Variants in ZNRF3 observed in about 807,000 individuals in gnomAD.
The protein encoded by ZNRF3 is E3 ubiquitin-protein ligase ZNRF3.
A neutral mutation model predicts 72.5 loss-of-function variants in ZNRF3; 23 were observed. The ratio of observed to expected loss-of-function variants is 0.32; its 90% CI spans 0.23 to 0.45. The LOEUF (loss-of-function observed/expected upper bound fraction) is 0.45. ZNRF3 is among the 20% of genes least tolerant of loss of function. ZNRF3 has a pLI of 1.00. For synonymous variants in ZNRF3, 610 were observed against 545.3 expected, an observed-to-expected ratio of 1.12 and a Z score of -1.65; for missense variants, 1,169 against 1,272.1, an observed-to-expected ratio of 0.92 and a Z score of 1.23.
intron 1 of ZNRF3, among the ~76,000 whole-genome samples, chr22:28,885,040 T>G (rs2033752325): frequency 6.6e-6 from 1 of 152,200 alleles, no homozygotes. Flanking sequence ...GGTTGGCTTG[T>G]CTTTGAATCT....
intron 2 of ZNRF3, among the ~76,000 whole-genome samples, chr22:29,033,381 A>C (rs5997433): frequency 0.61 from 89,589 of 145,736 alleles, 28,748 homozygotes; most frequent in African/African-American, 0.81. Flanking sequence ...AAGGCTCAAT[A>C]TAGTTCAACT....
intron 2 of ZNRF3, among the ~76,000 whole-genome samples, chr22:29,010,913 C>A (rs2036336737): frequency 6.6e-6 from 1 of 152,178 alleles, no homozygotes; most frequent in Non-Finnish European, 1.5e-5. Flanking sequence ...AAGTGATCCA[C>A]CCGCCTCAGC....
chr22:29,038,040 C>T (rs575786525), intron 2 of ZNRF3, among the ~76,000 whole-genome samples: 88 of 152,326 alleles, frequency 5.8e-4, no homozygotes, highest in Admixed American at 1.3e-3. Context: ...GACTTTCATC[C>T]AACCATATCC....
chr22:29,047,726 A>G (rs1358326961), intron 6 of ZNRF3, among the ~76,000 whole-genome samples: 1 of 152,200 alleles, frequency 6.6e-6, no homozygotes, highest in African/African-American at 2.4e-5. Flanking sequence ...ACTGTACTAG[A>G]CAGGTCAGAA....
At position 29,046,840 on chromosome 22, in the gene ZNRF3, C is replaced by T. The variant is rs1258129125; in HGVS notation, c.869C>T (p.Thr290Met). Residue 290 changes from threonine to methionine, a missense_variant, in exon 6 of 9, where the codon ACG becomes ATG. Transcript: ENST00000544604. ...CTGGACACACTCAGCAGCAGCTCCA[C>T]GTCCGACTGTGCCATCTGTCTGGAG... ...GALDTLSSSS[T>M]SDCAICLEKY... is the part of the protein sequence containing the mutation. The T allele has an allele frequency of 5.6e-6, 9 of 1,607,492 alleles. No individual in the cohort carries two copies. The highest frequency in any genetic ancestry group is 6.8e-6 in the Non-Finnish European group (8 of 1,176,770).
Position 29,048,929 on chromosome 22 carries a change from T to A in ZNRF3, c.1016-268T>A, listed in dbSNP as rs937655409. On this transcript the variant is annotated intron_variant, in intron 7 of 8. Transcript: ENST00000544604. The surrounding 1 kb of genome is among the most constrained non-coding windows in gnomAD (Gnocchi z 4.9). The stretch of plus-strand genomic sequence containing the variant: ...GGGACACTGGCATCTTTGAATCCGA[T>A]TCTTTTCTGCAGACTTCTGTGGTGC... Among the ~76,000 whole-genome samples, 9 of 152,170 alleles carry A rather than the reference T, an allele frequency of 5.9e-5. No individual in the cohort carries two copies. Among genetic ancestry groups the A allele is most frequent in the Non-Finnish European group, 1.2e-4 (8 of 68,034 alleles).
chr22:29,033,066 T>G (rs2036792252), intron 2 of ZNRF3, among the ~76,000 whole-genome samples: 2 of 152,150 alleles, frequency 1.3e-5, no homozygotes, highest in African/African-American at 4.8e-5. Flanking sequence ...AAGCTCAGTC[T>G]AGGCCGGGTG....
In ZNRF3 at chr22:29,048,289, C is replaced by T. The variant is rs1046131603; in HGVS notation, c.913-100C>T. 4.0e-5 allele frequency: 36 copies of T among 893,488 alleles called. No individual in the cohort carries two copies. The highest frequency in any genetic ancestry group is 1.5e-4 in the African/African-American group (9 of 60,944). The allele number at this position is 893,488 out of a possible 1,614,324, so 55.3% of individuals were successfully genotyped here. On this transcript the variant is annotated intron_variant, in intron 6 of 8. Transcript: ENST00000544604. The surrounding 1 kb of genome is among the most constrained non-coding windows in gnomAD (Gnocchi z 4.9). ...GTGGGGAGGAGAGTAGGGAAGGGCA[C>T]GGGCATGCTGTGCAGAACTCCTTGG...
intron 5 of ZNRF3, among the ~76,000 whole-genome samples, chr22:29,045,472 C>T (rs12166813): frequency 6.6e-6 from 1 of 151,336 alleles, no homozygotes; most frequent in Admixed American, 6.6e-5. Context: ...GCAGGTGTTT[C>T]GAAGGAAGTG....
chr22:28,930,062 A>G (rs1043762383), intron 1 of ZNRF3, among the ~76,000 whole-genome samples: 13 of 152,224 alleles, frequency 8.5e-5, no homozygotes, highest in African/African-American at 2.9e-4. Flanking sequence ...AAATACGTAT[A>G]AACACTTGTA....
intron 2 of ZNRF3, among the ~76,000 whole-genome samples, chr22:29,003,124 C>A (rs1448203950): frequency 7.2e-5 from 11 of 152,126 alleles, no homozygotes; most frequent in Non-Finnish European, 1.3e-4. Context: ...GCTTTTATAT[C>A]ATGATTATGT....
intron 2 of ZNRF3, among the ~76,000 whole-genome samples, chr22:29,017,254 G>T (rs2036453515): frequency 6.6e-6 from 1 of 152,162 alleles, no homozygotes; most frequent in African/African-American, 2.4e-5. Flanking sequence ...GGCAGTGCTG[G>T]TGTCCCATTT....
Position 29,052,637 on chromosome 22 carries a change from G to A in ZNRF3, c.2768-942G>A, listed in dbSNP as rs2037226778. Among the ~76,000 whole-genome samples, 8 of 151,214 alleles carry A rather than the reference G, an allele frequency of 5.3e-5. 1 individual carries two copies. In the South Asian group the frequency reaches 1.7e-3, roughly 32 times the overall value. On this transcript the variant is annotated intron_variant, in intron 8 of 8. Coordinates refer to ENST00000544604, the MANE Select transcript of ZNRF3 (RefSeq NM_001206998.2). ...GAACCCGGGACGCCGTTGTTGCAGT[G>A]AGCTGAGATCGCCCCATCGTACTCC... is the stretch of plus-strand genomic sequence containing the variant.
At chr22:28,938,169 A>G (rs1239402390) in intron 1 of ZNRF3, among the ~76,000 whole-genome samples, 1 of 152,086 alleles carries the variant, frequency 6.6e-6, no homozygotes, top group Non-Finnish European at 1.5e-5. Flanking sequence ...TATTTTTTAT[A>G]TATTTATATA....
intron 1 of ZNRF3, among the ~76,000 whole-genome samples, chr22:28,954,766 C>T (rs1029855639): frequency 4.0e-5 from 6 of 151,026 alleles, no homozygotes; most frequent in Non-Finnish European, 1.5e-5. Context: ...AGGTGTGTGC[C>T]ACCATGCCCA....
At chr22:28,923,297 G>A (rs2034540619) in intron 1 of ZNRF3, among the ~76,000 whole-genome samples, 1 of 152,050 alleles carries the variant, frequency 6.6e-6, no homozygotes, top group African/African-American at 2.4e-5. Flanking sequence ...TAGAGGTGCC[G>A]CTAATGCCCC....
At chr22:28,904,105 A>G (rs2034160155) in intron 1 of ZNRF3, among the ~76,000 whole-genome samples, 1 of 152,194 alleles carries the variant, frequency 6.6e-6, no homozygotes, top group South Asian at 2.1e-4. Flanking sequence ...ATGCATTTAA[A>G]TAAGCAACCT....
chr22:29,053,581 C>T lies in ZNRF3; in HGVS notation c.2770C>T (p.Pro924Ser), dbSNP rs377590418. 6.2e-7 allele frequency: 1 copy of T among 1,613,652 alleles called. No individual in the cohort carries two copies. Among genetic ancestry groups the T allele is most frequent in the Non-Finnish European group, 8.5e-7 (1 of 1,179,726 alleles). ...SSTTATEAAGPRSHSADSSSP... is the reference protein window; with the variant it reads ...SSTTATEAAGSRSHSADSSSP... ...TGATTGTTCTCTCTCTTTCCCAGGA[C>T]CGAGATCTCACTCAGCAGACAGCAG... Residue 924 changes from proline to serine, a missense_variant and splice_region_variant, in exon 9 of 9, where the codon CCG (proline) becomes TCG (serine). Physicochemically the swap from Pro to Ser is moderately conservative, Grantham distance 74. Coordinates refer to ENST00000544604, the MANE Select transcript of ZNRF3 (RefSeq NM_001206998.2).
At chr22:28,885,151 T>C (rs1052789160) in intron 1 of ZNRF3, among the ~76,000 whole-genome samples, 2 of 152,140 alleles carry the variant, frequency 1.3e-5, no homozygotes, top group Admixed American at 1.3e-4. Context: ...CATGGAATGA[T>C]TGCATAGCAG....
Sources: gnomAD v4.1 joint callset for allele counts (sites outside exome capture counted in the v4.1 genomes callset) on GRCh38, gnomAD v4.1.1 for gene constraint, Gnocchi (gnomAD v3.1) non-coding constraint, MANE v1.5 for transcripts, NCBI Gene and HGNC (gene_info 2026-07-23, HGNC 2026-07-21) for gene names.